CTNNA2: variants seen among roughly 807,000 people sequenced by gnomAD.
CTNNA2 encodes catenin alpha-2.
In CTNNA2, 42 loss-of-function variants were observed where a neutral mutation model predicts 101.0. The observed-to-expected ratio is 0.42, with a 90% CI of 0.32 to 0.54. The LOEUF is 0.54. Among genes scored for constraint, CTNNA2 ranks in the 20% least tolerant of loss-of-function variants. The probability of loss-of-function intolerance (pLI) is 0.14; values close to 1 mark genes in which losing one functional copy is unlikely to be tolerated. For synonymous variants in CTNNA2, 450 were observed against 456.4 expected (o/e 0.99, Z 0.18); for missense variants, 871 against 1,223.1 (o/e 0.71, Z 4.29).
chr2:79,825,955 A>G lies in CTNNA2; in HGVS notation c.299-32058A>G, dbSNP rs183433236. Among the ~76,000 whole-genome samples, 9 of 152,344 alleles carry G rather than the reference A, an allele frequency of 5.9e-5. No individual in the cohort carries two copies. In the East Asian group the frequency reaches 1.7e-3, roughly 29 times the overall value. On this transcript the variant is annotated intron_variant, in intron 3 of 18. Transcript: ENST00000402739. Reference sequence around the variant, plus strand: ...GTAATGCTGTATCTTATATGATATTATAATACGTTGTGATGGAAGAACTGC... The same window carrying G: ...GTAATGCTGTATCTTATATGATATTGTAATACGTTGTGATGGAAGAACTGC...
chr2:80,645,264 A>ACAG (rs1673945892), intron 18 of CTNNA2, among the ~76,000 whole-genome samples: 1 of 152,184 alleles, frequency 6.6e-6, no homozygotes, highest in African/African-American at 2.4e-5. Flanking sequence ...GGTGTTAGGT[A>ACAG]TTTAGCTTCT....
At chr2:80,196,798 A>C (rs926220337) in intron 7 of CTNNA2, among the ~76,000 whole-genome samples, 1 of 152,180 alleles carries the variant, frequency 6.6e-6, no homozygotes, top group Non-Finnish European at 1.5e-5. Flanking sequence ...ACGAAAGATC[A>C]CTTTAAAAAG....
intron 7 of CTNNA2, among the ~76,000 whole-genome samples, chr2:80,251,073 G>C (rs1671725171): frequency 6.6e-6 from 1 of 151,964 alleles, no homozygotes; most frequent in Admixed American, 6.6e-5. Flanking sequence ...TTTAATTTTA[G>C]TCATGAGTGA....
At chr2:79,914,294 G>T (rs1318450871) in intron 7 of CTNNA2, among the ~76,000 whole-genome samples, 2 of 151,492 alleles carry the variant, frequency 1.3e-5, no homozygotes, top group Non-Finnish European at 2.9e-5. Context: ...CACCAAAAAT[G>T]TCTAAGTATG....
At chr2:79,808,391 A>G (rs1027275505) in intron 3 of CTNNA2, among the ~76,000 whole-genome samples, 4 of 152,198 alleles carry the variant, frequency 2.6e-5, no homozygotes, top group Non-Finnish European at 5.9e-5. Flanking sequence ...GGAGTCATTC[A>G]TTAAGCAAAA....
chr2:79,811,335 AGT>A (rs1677017779), intron 3 of CTNNA2, among the ~76,000 whole-genome samples: 1 of 151,962 alleles, frequency 6.6e-6, no homozygotes, highest in Non-Finnish European at 1.5e-5. Context: ...TCTTTTGAGG[AGT>A]GTCTGTTGAT....
intron 3 of CTNNA2, among the ~76,000 whole-genome samples, chr2:79,855,706 G>T (rs964613825): frequency 7.4e-6 from 1 of 134,582 alleles, no homozygotes; most frequent in Non-Finnish European, 1.6e-5. Context: ...TCACCTGCAG[G>T]AACTGGGATC....
chr2:79,228,523 AT>A (rs1228859093), intron 2 of CTNNA2, among the ~76,000 whole-genome samples: 2 of 152,064 alleles, frequency 1.3e-5, no homozygotes, highest in Non-Finnish European at 2.9e-5. Context: ...GCATTTTTTC[AT>A]ATGTTTCTTG....
chr2:80,581,096 A>G (rs1047212111), intron 13 of CTNNA2, among the ~76,000 whole-genome samples: 1 of 152,188 alleles, frequency 6.6e-6, no homozygotes, highest in Non-Finnish European at 1.5e-5. Context: ...CAGATAATAC[A>G]TTGCCTAATC....
intron 7 of CTNNA2, among the ~76,000 whole-genome samples, chr2:80,007,713 T>C (rs1435215130): frequency 2.0e-5 from 3 of 152,228 alleles, no homozygotes; most frequent in Non-Finnish European, 4.4e-5. Flanking sequence ...TTTAGGAGGC[T>C]TGGGGAATCC....
chr2:79,717,042 T>C (rs1054857020), intron 2 of CTNNA2, among the ~76,000 whole-genome samples: 1 of 152,156 alleles, frequency 6.6e-6, no homozygotes, highest in African/African-American at 2.4e-5. Flanking sequence ...ACATAGGACA[T>C]AGCAAATATA....
chr2:79,561,233 A>T (rs1674759742), intron 1 of CTNNA2, among the ~76,000 whole-genome samples: 2 of 151,852 alleles, frequency 1.3e-5, no homozygotes, highest in Non-Finnish European at 2.9e-5. Flanking sequence ...GAGGCTCATC[A>T]ATGTTGTAGC....
chr2:79,906,653 AGCCCCAG>A lies in CTNNA2; in HGVS notation c.853-2937_853-2931del, dbSNP rs1328123389. Among the ~76,000 whole-genome samples the A allele has an allele frequency of 2.6e-5, 4 of 152,200 alleles. No homozygotes were observed. In the East Asian group the frequency reaches 7.7e-4, roughly 29 times the overall value. ...TGTTTCAGGCTTTTACTTTCACAAC[AGCCCCAG>A]GCCATGGCAGGTAGGAAACTCAATT... On this transcript the variant is annotated intron_variant, in intron 6 of 18. Coordinates refer to ENST00000402739, the MANE Select transcript of CTNNA2 (RefSeq NM_001282597.3).
intron 6 of CTNNA2, among the ~76,000 whole-genome samples, chr2:79,887,621 CTGTT>C (rs908957624): frequency 5.6e-4 from 86 of 152,224 alleles, no homozygotes; most frequent in African/African-American, 2.1e-3. Flanking sequence ...TTAGGTTAAT[CTGTT>C]TGTGCTTAAT....
At chr2:79,894,904 A>G (rs1224638104) in intron 6 of CTNNA2, among the ~76,000 whole-genome samples, 2 of 152,220 alleles carry the variant, frequency 1.3e-5, no homozygotes, top group African/African-American at 4.8e-5. Context: ...GCTTAAATGA[A>G]TATATTAACT....
chr2:79,336,392 A>G (rs1441899852), intron 3 of CTNNA2, among the ~76,000 whole-genome samples: 1 of 152,106 alleles, frequency 6.6e-6, no homozygotes, highest in African/African-American at 2.4e-5. Flanking sequence ...GAATGACTAT[A>G]TCTTCAAAGA....
At chr2:80,055,581 T>G (rs1330588719) in intron 7 of CTNNA2, among the ~76,000 whole-genome samples, 1 of 152,172 alleles carries the variant, frequency 6.6e-6, no homozygotes, top group Non-Finnish European at 1.5e-5. Flanking sequence ...AGATTTCCAA[T>G]GACTCTTAAA....
intron 7 of CTNNA2, among the ~76,000 whole-genome samples, chr2:80,300,054 G>A (rs1676104009): frequency 6.6e-6 from 1 of 152,042 alleles, no homozygotes. Context: ...TCTTTTTCCT[G>A]CTACCCCTGC....
intron 9 of CTNNA2, among the ~76,000 whole-genome samples, chr2:80,537,610 T>G (rs1691155401): frequency 6.6e-6 from 1 of 151,822 alleles, no homozygotes; most frequent in Admixed American, 6.6e-5. Flanking sequence ...TTTTTTTTTT[T>G]GAAACGGGGT....
Sources: allele counts gnomAD v4.1 joint callset (sites outside exome capture counted in the v4.1 genomes callset), GRCh38; gene constraint gnomAD v4.1.1; transcripts MANE v1.5; gene names NCBI Gene and HGNC (gene_info 2026-07-23, HGNC 2026-07-21).